Variants in FAM110B observed in about 807,000 individuals in gnomAD.
FAM110B encodes protein FAM110B.
FAM110B carries 6 observed loss-of-function variants against 20.4 expected under a neutral mutation model. That is an observed-to-expected ratio of 0.29 (90% confidence interval 0.16 to 0.58). FAM110B has a LOEUF of 0.58. FAM110B is among the 20% of genes least tolerant of loss of function. The pLI is 0.90. For synonymous variants in FAM110B, 226 were observed against 214.1 expected (o/e 1.06, Z -0.49); for missense variants, 434 against 498.2 (o/e 0.87, Z 1.23).
intron 3 of FAM110B, among the ~76,000 whole-genome samples, chr8:58,076,223 G>T (rs909268711): frequency 6.6e-6 from 1 of 152,218 alleles, no homozygotes; most frequent in Non-Finnish European, 1.5e-5. Context: ...CCGTTGCAAA[G>T]TGTTGGGTTT....
At position 58,105,556 on chromosome 8, in the gene FAM110B, A is replaced by ATTTTTT. The variant is rs71557704; in HGVS notation, c.-325+29958_-325+29963dup. On this transcript the variant is annotated intron_variant, in intron 3 of 3. Coordinates refer to ENST00000519262, the MANE Select transcript of FAM110B (RefSeq NM_001377989.1). ...TGAAAATGAATGAATGAATGAATGA[A>ATTTTTT]TTTTTTTTTTTTTTTTTTTTTTTTT... Among the ~76,000 whole-genome samples the ATTTTTT allele has an allele frequency of 3.6e-4, 34 of 94,634 alleles. 2 individuals carry two copies. Among genetic ancestry groups the ATTTTTT allele is most frequent in the South Asian group, 2.7e-3 (7 of 2,640 alleles). The allele number at this position is 94,634 out of a possible 152,430, so 62.1% of individuals were successfully genotyped here. A position where few individuals can be genotyped will look rare whatever the true frequency, so the allele number is the denominator to read the frequency against.
intron 3 of FAM110B, among the ~76,000 whole-genome samples, chr8:58,128,889 G>A (rs1208980822): frequency 5.3e-5 from 8 of 151,974 alleles, no homozygotes; most frequent in Admixed American, 5.2e-4. Flanking sequence ...TTCTTTTGTG[G>A]TCAGTTTTAG....
chr8:58,116,629 A>G (rs1807220595), intron 3 of FAM110B, among the ~76,000 whole-genome samples: 1 of 152,210 alleles, frequency 6.6e-6, no homozygotes, highest in Non-Finnish European at 1.5e-5. Context: ...TATATTTCGT[A>G]ATACTTTTAA....
intron 3 of FAM110B, among the ~76,000 whole-genome samples, chr8:58,122,042 T>C (rs910258832): frequency 6.6e-6 from 1 of 152,250 alleles, no homozygotes; most frequent in Admixed American, 6.5e-5. Flanking sequence ...CTGGAAAGTA[T>C]ATTTTTAATC....
At chr8:58,011,818 C>G (rs1804542095) in intron 1 of FAM110B, among the ~76,000 whole-genome samples, 1 of 152,192 alleles carries the variant, frequency 6.6e-6, no homozygotes. Flanking sequence ...CCATCCATGG[C>G]TTTGCTTCCA....
chr8:58,027,076 A>C, intron 1 of FAM110B, among the ~76,000 whole-genome samples: 1 of 152,186 alleles, frequency 6.6e-6, no homozygotes, highest in Non-Finnish European at 1.5e-5. Flanking sequence ...CTTAGGCTAC[A>C]TCTTCCCTCT....
At chr8:58,114,246 G>GA (rs1348751106) in intron 3 of FAM110B, among the ~76,000 whole-genome samples, 2 of 152,202 alleles carry the variant, frequency 1.3e-5, no homozygotes, top group African/African-American at 4.8e-5. Context: ...GGTCTGGTCT[G>GA]AGAGGGTTAC....
At chr8:58,116,790 A>G (rs961112189) in intron 3 of FAM110B, among the ~76,000 whole-genome samples, 1 of 152,234 alleles carries the variant, frequency 6.6e-6, no homozygotes, top group Non-Finnish European at 1.5e-5. Context: ...ATTAAAAAAA[A>G]GACAAGTAAA....
intron 3 of FAM110B, among the ~76,000 whole-genome samples, chr8:58,130,758 T>C (rs1803444630): frequency 6.6e-6 from 1 of 152,202 alleles, no homozygotes; most frequent in Admixed American, 6.5e-5. Flanking sequence ...TCCCTGTTGA[T>C]AAACTTTAAG....
chr8:58,113,518 G>A (rs1807116765), intron 3 of FAM110B: 2 of 184,880 alleles, frequency 1.1e-5, no homozygotes, highest in South Asian at 2.4e-4. Context: ...CAGCTCTTTG[G>A]AAAGAGAGGA....
chr8:58,147,432 C>T lies in FAM110B; in HGVS notation c.*89C>T, dbSNP rs1803895552. ...TCTCCTTGAAGTGTTGTGAGCTTCTCCACTCTTTGTGTTGCTTGTTGTGCA... is the reference window on the plus strand; with the variant it reads ...TCTCCTTGAAGTGTTGTGAGCTTCTTCACTCTTTGTGTTGCTTGTTGTGCA... On this transcript the variant is annotated 3_prime_UTR_variant, in exon 4 of 4. Coordinates refer to ENST00000519262, the MANE Select transcript of FAM110B (RefSeq NM_001377989.1). The T allele has an allele frequency of 6.9e-7, 1 of 1,447,142 alleles. No individual in the cohort carries two copies. The highest frequency in any genetic ancestry group is 9.4e-7 in the Non-Finnish European group (1 of 1,066,524). 89.6% of individuals were successfully genotyped at this position (1,447,142 alleles called of 1,614,324 possible). A position where few individuals can be genotyped will look rare whatever the true frequency, so the allele number is the denominator to read the frequency against.
At chr8:58,105,853 A>G (rs1806899100) in intron 3 of FAM110B, among the ~76,000 whole-genome samples, 1 of 152,128 alleles carries the variant, frequency 6.6e-6, no homozygotes, top group African/African-American at 2.4e-5. Flanking sequence ...TACAGGCATG[A>G]GCCACTGCAC....
At chr8:58,100,394 G>A (rs1435988150) in intron 3 of FAM110B, among the ~76,000 whole-genome samples, 1 of 152,174 alleles carries the variant, frequency 6.6e-6, no homozygotes, top group African/African-American at 2.4e-5. Flanking sequence ...GTTTCCTATT[G>A]TATAAGTTTT....
At chr8:57,999,655 G>GGTAC (rs1804254753) in intron 1 of FAM110B, among the ~76,000 whole-genome samples, 1 of 152,132 alleles carries the variant, frequency 6.6e-6, no homozygotes, top group African/African-American at 2.4e-5. Context: ...TTGTGTGCCA[G>GGTAC]GTACTTTGAA....
At chr8:58,094,337 G>A (rs1270403751) in intron 3 of FAM110B, among the ~76,000 whole-genome samples, 1 of 152,158 alleles carries the variant, frequency 6.6e-6, no homozygotes, top group Non-Finnish European at 1.5e-5. Flanking sequence ...GGTTTTCAAA[G>A]GGAATGCTTC....
At chr8:58,040,535 C>A (rs1265248116) in intron 2 of FAM110B, among the ~76,000 whole-genome samples, 1 of 152,170 alleles carries the variant, frequency 6.6e-6, no homozygotes, top group African/African-American at 2.4e-5. Flanking sequence ...AAATACTAAC[C>A]CAGGCAGCAG....
chr8:58,004,366 A>G (rs746353106), intron 1 of FAM110B, among the ~76,000 whole-genome samples: 1 of 152,210 alleles, frequency 6.6e-6, no homozygotes, highest in Non-Finnish European at 1.5e-5. Flanking sequence ...TTAGCTCCAT[A>G]TTCTAGATAA....
Position 58,146,954 on chromosome 8 carries a change from G to T in FAM110B, c.724G>T (p.Asp242Tyr). The change falls in exon 4 of 4, where the codon GAC becomes TAC. Residue 242 changes from aspartate to tyrosine, a missense_variant. Physicochemically the swap from Asp to Tyr is radical, Grantham distance 160. This residue lies in a region of FAM110B where 284 missense variants were observed against 278.3 expected (regional missense o/e 1.02). Transcript: ENST00000519262. ...AIASMKSPEADPVEPACGVSR... is the reference protein window; with the variant it reads ...AIASMKSPEAYPVEPACGVSR... ...CGCCTCCATGAAGTCCCCCGAGGCC[G>T]ACCCTGTGGAACCAGCTTGTGGAGT... 1 of 1,614,186 alleles carries T rather than the reference G, an allele frequency of 6.2e-7. No individual in the cohort carries two copies.
At chr8:58,132,075 C>T (rs557771319) in intron 3 of FAM110B, among the ~76,000 whole-genome samples, 17 of 152,276 alleles carry the variant, frequency 1.1e-4, no homozygotes, top group African/African-American at 3.4e-4. Flanking sequence ...TTATTTTCCA[C>T]GAAGGAGGGT....
Sources: gnomAD v4.1 joint callset for allele counts (sites outside exome capture counted in the v4.1 genomes callset) on GRCh38, gnomAD v4.1.1 for gene constraint, gnomAD v4.1.1 regional missense constraint, MANE v1.5 for transcripts, NCBI Gene and HGNC (gene_info 2026-07-23, HGNC 2026-07-21) for gene names.